The following ZBTB20 variants were observed in gnomAD, a reference collection of about 807,000 sequenced individuals.
ZBTB20 encodes the protein zinc finger and BTB domain containing 20.
ZBTB20 carries 9 observed loss-of-function variants against 56.9 expected under a neutral mutation model. The observed-to-expected ratio is 0.16, with a 90% CI of 0.10 to 0.28. The LOEUF is 0.28. Among genes scored for constraint, ZBTB20 ranks in the 10% least tolerant of loss-of-function variants. ZBTB20 has a pLI of 1.00. For missense variants in ZBTB20, 655 were observed against 1,003.0 expected, an observed-to-expected ratio of 0.65 and a Z score of 4.69; for synonymous variants, 417 against 420.7, an observed-to-expected ratio of 0.99 and a Z score of 0.11.
intron 6 of ZBTB20, among the ~76,000 whole-genome samples, chr3:114,590,504 T>C (rs1231344666): frequency 4.0e-5 from 5 of 124,398 alleles, no homozygotes; most frequent in African/African-American, 1.4e-4. Flanking sequence ...ATTTATTTAA[T>C]AAAAAATAAA....
intron 4 of ZBTB20, among the ~76,000 whole-genome samples, chr3:114,837,314 T>A (rs1190592851): frequency 6.6e-6 from 1 of 152,190 alleles, no homozygotes; most frequent in East Asian, 1.9e-4. Context: ...CAGTATAAAT[T>A]CCATGAGGAT....
intron 6 of ZBTB20, among the ~76,000 whole-genome samples, chr3:114,683,541 A>G: frequency 6.6e-6 from 1 of 151,258 alleles, no homozygotes; most frequent in South Asian, 2.1e-4. Context: ...AGATAATAAT[A>G]AGGATTGACA....
At chr3:114,542,311 A>G (rs983912486) in intron 6 of ZBTB20, among the ~76,000 whole-genome samples, 33 of 152,194 alleles carry the variant, frequency 2.2e-4, no homozygotes, top group African/African-American at 8.0e-4. Flanking sequence ...TTCTAGCCCA[A>G]CATGCAATTT....
chr3:114,542,472 A>G (rs1214411948), intron 6 of ZBTB20, among the ~76,000 whole-genome samples: 2 of 152,188 alleles, frequency 1.3e-5, no homozygotes, highest in African/African-American at 2.4e-5. Context: ...CAGGAAGGTA[A>G]CCAAGTGAGT....
At position 114,835,666 on chromosome 3, in the gene ZBTB20, T is replaced by C. The variant is rs531893478; in HGVS notation, c.-416-34492A>G. ...TAAGCCCCTCAGTTTCATATTTTAG[T>C]ATTTGAGAATCAGTTCTAAATTTTC... is the stretch of plus-strand genomic sequence containing the variant. On this transcript the variant is annotated intron_variant, in intron 4 of 11. Coordinates refer to ENST00000675478, the MANE Select transcript of ZBTB20 (RefSeq NM_001348800.3). 2.8e-4 allele frequency among the ~76,000 whole-genome samples: 43 copies of C among 152,322 alleles called. No individual in the cohort carries two copies. In the South Asian group the frequency reaches 8.1e-3, roughly 29 times the overall value.
At chr3:114,690,295 T>C (rs778487579) in intron 6 of ZBTB20, among the ~76,000 whole-genome samples, 20 of 152,160 alleles carry the variant, frequency 1.3e-4, no homozygotes, top group Non-Finnish European at 2.6e-4. Flanking sequence ...CAATGGAAAA[T>C]GTGCTCCTAA....
intron 7 of ZBTB20, among the ~76,000 whole-genome samples, chr3:114,449,880 A>T (rs554823248): frequency 6.6e-6 from 1 of 152,276 alleles, no homozygotes; most frequent in South Asian, 2.1e-4. Flanking sequence ...TGCACAATAG[A>T]TACCCTTTAA....
chr3:115,017,334 G>A (rs909598704), intron 2 of ZBTB20, among the ~76,000 whole-genome samples: 3 of 151,550 alleles, frequency 2.0e-5, no homozygotes, highest in African/African-American at 7.3e-5. Flanking sequence ...GGAAGTGAAG[G>A]ACCTCTTCAA....
chr3:114,716,776 C>T (rs553224863), intron 5 of ZBTB20, among the ~76,000 whole-genome samples: 2 of 152,088 alleles, frequency 1.3e-5, no homozygotes, highest in South Asian at 4.2e-4. Flanking sequence ...TTCCTATGAA[C>T]TTAATATAGA....
intron 1 of ZBTB20, among the ~76,000 whole-genome samples, chr3:115,082,397 C>T (rs1006777392): frequency 5.3e-5 from 8 of 152,120 alleles, no homozygotes; most frequent in Non-Finnish European, 8.8e-5. Context: ...TGAGTGTGCG[C>T]GTGTCTGGAT....
At chr3:115,070,966 A>G (rs1301104260) in intron 2 of ZBTB20, among the ~76,000 whole-genome samples, 2 of 151,690 alleles carry the variant, frequency 1.3e-5, no homozygotes, top group Non-Finnish European at 2.9e-5. Context: ...AATTCACCTC[A>G]CTGAGCTATA....
chr3:114,670,876 C>G (rs920262421), intron 6 of ZBTB20, among the ~76,000 whole-genome samples: 2 of 152,130 alleles, frequency 1.3e-5, no homozygotes, highest in African/African-American at 4.8e-5. Context: ...GCAGCCTACT[C>G]TAGTCTCTGA....
chr3:114,326,408 C>A lies in ZBTB20; in HGVS notation c.*12597G>T, dbSNP rs2079066527. On this transcript the variant is annotated 3_prime_UTR_variant, in exon 12 of 12. Coordinates refer to ENST00000675478, the MANE Select transcript of ZBTB20 (RefSeq NM_001348800.3). ...CAGGTTTTTGTTTTAACTGTTCTAT[C>A]CTCAAAGTAAAGAGAGAATTTCTCT... 6.6e-6 allele frequency: 1 copy of A among 152,064 alleles called. No homozygotes were observed. Among genetic ancestry groups the A allele is most frequent in the Non-Finnish European group, 1.5e-5 (1 of 68,002 alleles). 9.4% of individuals were successfully genotyped at this position (152,064 alleles called of 1,614,324 possible).
chr3:114,434,147 C>T (rs1019976745), intron 7 of ZBTB20, among the ~76,000 whole-genome samples: 2 of 152,056 alleles, frequency 1.3e-5, no homozygotes, highest in African/African-American at 4.8e-5. Flanking sequence ...TCTTCCCACA[C>T]TAGTGTAAAA....
chr3:115,096,812 T>G (rs80264330), intron 1 of ZBTB20, among the ~76,000 whole-genome samples: 6,325 of 152,288 alleles, frequency 0.042, 183 homozygotes, highest in Middle Eastern at 0.099. Flanking sequence ...ATCACACAAT[T>G]AGATATTTAT....
chr3:114,847,016 C>T (rs987486628), intron 4 of ZBTB20, among the ~76,000 whole-genome samples: 15 of 152,064 alleles, frequency 9.9e-5, no homozygotes, highest in African/African-American at 3.4e-4. Context: ...GTCCAAGAAA[C>T]GGAATGATTA....
intron 2 of ZBTB20, among the ~76,000 whole-genome samples, chr3:115,006,542 T>C (rs1186019860): frequency 6.6e-6 from 1 of 151,638 alleles, no homozygotes; most frequent in Non-Finnish European, 1.5e-5. Flanking sequence ...TTTTTTCCCC[T>C]GAATATTATT....
chr3:114,848,913 T>C (rs529841767), intron 4 of ZBTB20, among the ~76,000 whole-genome samples: 1 of 152,128 alleles, frequency 6.6e-6, no homozygotes, highest in Admixed American at 6.5e-5. Flanking sequence ...ATCACAAGAG[T>C]GGACCTTAAT....
At chr3:114,472,338 G>A (rs1242455470) in intron 7 of ZBTB20, among the ~76,000 whole-genome samples, 1 of 152,252 alleles carries the variant, frequency 6.6e-6, no homozygotes, top group East Asian at 1.9e-4. Flanking sequence ...GGTTAATCCA[G>A]TCTAACCTAT....
Sources: gnomAD v4.1 joint callset for allele counts (sites outside exome capture counted in the v4.1 genomes callset) on GRCh38, gnomAD v4.1.1 for gene constraint, MANE v1.5 for transcripts, NCBI Gene and HGNC (gene_info 2026-07-23, HGNC 2026-07-21) for gene names.